SDK2: variants seen among roughly 807,000 people sequenced by gnomAD.
SDK2 encodes sidekick cell adhesion molecule 2.
Under a neutral mutation model 253.9 loss-of-function variants are expected in SDK2, and 105 were observed. That is an observed-to-expected ratio of 0.41 (90% confidence interval 0.35 to 0.49). The LOEUF (loss-of-function observed/expected upper bound fraction) is 0.49. SDK2 is among the 20% of genes least tolerant of loss of function. The pLI is 0.06. For synonymous variants in SDK2, 1,249 were observed against 1,234.9 expected, an observed-to-expected ratio of 1.01 and a Z score of -0.24; for missense variants, 2,608 against 3,003.0, an observed-to-expected ratio of 0.87 and a Z score of 3.07.
intron 16 of SDK2, among the ~76,000 whole-genome samples, chr17:73,417,448 C>T (rs1011259299): frequency 9.9e-5 from 15 of 151,886 alleles, no homozygotes; most frequent in Non-Finnish European, 1.8e-4. Flanking sequence ...GATTATCAAC[C>T]GTGAGGGGGT....
chr17:73,574,412 C>A (rs904017686), intron 1 of SDK2, among the ~76,000 whole-genome samples: 3 of 152,264 alleles, frequency 2.0e-5, no homozygotes, highest in Non-Finnish European at 4.4e-5. Flanking sequence ...GCTGACATCA[C>A]GTGCATGCAC....
intron 1 of SDK2, among the ~76,000 whole-genome samples, chr17:73,507,975 C>T (rs1444433951): frequency 1.3e-5 from 2 of 152,204 alleles, no homozygotes; most frequent in African/African-American, 2.4e-5. Context: ...GTGGCCCAGC[C>T]AAAGGGAATA....
At position 73,395,258 on chromosome 17, in the gene SDK2, C is replaced by T; in HGVS notation, c.3489G>A (p.Glu1163=). Residue 1163 remains glutamate (E), a synonymous_variant, in exon 25 of 45, where the codon GAG becomes GAA. Coordinates refer to ENST00000392650, the MANE Select transcript of SDK2 (RefSeq NM_001144952.2). The surrounding 1 kb of genome is among the most constrained non-coding windows in gnomAD (Gnocchi z 4.3). ...GGTACTCTGTCCACTCCTCCAGGTC[C>T]TCGATGGTGTAGTCCCGCTCCACAC... The part of the protein sequence containing the change: ...QDRVERDYTI[E]DLEEWTEYRV... The T allele has an allele frequency of 6.2e-7, 1 of 1,613,850 alleles. No individual in the cohort carries two copies. Among genetic ancestry groups the T allele is most frequent in the Non-Finnish European group, 8.5e-7 (1 of 1,179,864 alleles).
intron 44 of SDK2, 127 bp downstream of exon 44, chr17:73,348,472 T>C (rs1357194084): frequency 8.2e-7 from 1 of 1,212,940 alleles, no homozygotes; most frequent in South Asian, 1.6e-5. Flanking sequence ...TTCAGGGTGG[T>C]TTCTTGGGCC....
chr17:73,619,012 C>T (rs1472191649), intron 1 of SDK2, among the ~76,000 whole-genome samples: 7 of 151,936 alleles, frequency 4.6e-5, no homozygotes, highest in Non-Finnish European at 1.0e-4. Flanking sequence ...ACTAAAAATA[C>T]AAAAATTAGC....
intron 18 of SDK2, among the ~76,000 whole-genome samples, chr17:73,412,016 A>ATATATC (rs2063133847): frequency 1.5e-4 from 8 of 51,644 alleles, no homozygotes; most frequent in African/African-American, 6.3e-4. Flanking sequence ...ATATGTAGAT[A>ATATATC]TACGTATATG....
At chr17:73,428,643 G>A (rs2063302889) in intron 12 of SDK2, among the ~76,000 whole-genome samples, 1 of 152,122 alleles carries the variant, frequency 6.6e-6, no homozygotes, top group African/African-American at 2.4e-5. Flanking sequence ...GATAGAACAG[G>A]GTTTTCAATC....
At chr17:73,499,427 A>C (rs2063868296) in intron 2 of SDK2, among the ~76,000 whole-genome samples, 1 of 152,242 alleles carries the variant, frequency 6.6e-6, no homozygotes, top group Non-Finnish European at 1.5e-5. Flanking sequence ...GGCCGGCCAG[A>C]TGCCCACCTG....
intron 1 of SDK2, among the ~76,000 whole-genome samples, chr17:73,611,186 G>T (rs1205198686): frequency 6.6e-6 from 1 of 152,162 alleles, no homozygotes; most frequent in Non-Finnish European, 1.5e-5. Flanking sequence ...CTCCCAGGAG[G>T]GGGATTTAGA....
intron 2 of SDK2, among the ~76,000 whole-genome samples, chr17:73,473,213 T>C (rs2063664081): frequency 6.6e-6 from 1 of 152,168 alleles, no homozygotes; most frequent in Non-Finnish European, 1.5e-5. Flanking sequence ...AGCAGCAGAC[T>C]CTGGCATTGG....
chr17:73,641,360 T>C (rs2046396077), intron 1 of SDK2, among the ~76,000 whole-genome samples: 1 of 152,146 alleles, frequency 6.6e-6, no homozygotes, highest in South Asian at 2.1e-4. Flanking sequence ...AAACTGAGGC[T>C]CTTAGTGGCT....
At chr17:73,339,400 T>G (rs1028423139) in intron 44 of SDK2, among the ~76,000 whole-genome samples, 4 of 151,506 alleles carry the variant, frequency 2.6e-5, no homozygotes, top group African/African-American at 9.7e-5. Context: ...CTAATTTTTT[T>G]GGTATGTTTA....
chr17:73,536,239 C>G (rs867867543), intron 1 of SDK2, among the ~76,000 whole-genome samples: 6 of 152,164 alleles, frequency 3.9e-5, no homozygotes, highest in South Asian at 4.1e-4. Flanking sequence ...TGCTGCTGCC[C>G]TAGAGGCCAT....
At chr17:73,415,786 G>A (rs1187688251) in intron 17 of SDK2, 25 bp downstream of exon 17, 23 of 1,545,106 alleles carry the variant, frequency 1.5e-5, no homozygotes, top group Non-Finnish European at 1.8e-5. Flanking sequence ...ACCGCGCCTG[G>A]TCTGAGACCA....
intron 1 of SDK2, among the ~76,000 whole-genome samples, chr17:73,538,843 G>A (rs2044821554): frequency 6.6e-6 from 1 of 152,162 alleles, no homozygotes; most frequent in East Asian, 1.9e-4. Flanking sequence ...TCTAGATGGG[G>A]CACCGACCAG....
At chr17:73,422,247 G>A in intron 15 of SDK2, 40 bp downstream of exon 15, 1 of 1,604,952 alleles carries the variant, frequency 6.2e-7, no homozygotes, top group Non-Finnish European at 8.5e-7. Flanking sequence ...CTGCCTGTTG[G>A]AGTCCTGGCG....
intron 1 of SDK2, among the ~76,000 whole-genome samples, chr17:73,573,247 C>T (rs553073616): frequency 5.3e-5 from 8 of 152,288 alleles, no homozygotes; most frequent in South Asian, 2.1e-4. Context: ...CGAGGTGGCT[C>T]GGGTCTCTCT....
chr17:73,638,487 A>C (rs1157466355), intron 1 of SDK2, among the ~76,000 whole-genome samples: 1 of 152,152 alleles, frequency 6.6e-6, no homozygotes, highest in Non-Finnish European at 1.5e-5. Flanking sequence ...GGAGGAAACA[A>C]GGGTGAACTT....
At chr17:73,596,669 G>A (rs570471993) in intron 1 of SDK2, among the ~76,000 whole-genome samples, 63 of 152,222 alleles carry the variant, frequency 4.1e-4, no homozygotes, top group African/African-American at 1.4e-3. Context: ...CCAGAAGGGA[G>A]ATGAGGAGGA....
Sources: gnomAD v4.1 joint callset for allele counts (sites outside exome capture counted in the v4.1 genomes callset) on GRCh38, gnomAD v4.1.1 for gene constraint, Gnocchi (gnomAD v3.1) non-coding constraint, MANE v1.5 for transcripts, NCBI Gene and HGNC (gene_info 2026-07-23, HGNC 2026-07-21) for gene names.